The following TSPAN8 variants were observed in gnomAD, a reference collection of about 807,000 sequenced individuals.
TSPAN8 encodes the protein tetraspanin 8, also known as tetraspanin-8.
Under a neutral mutation model 32.8 loss-of-function variants are expected in TSPAN8, and 21 were observed. The ratio of observed to expected loss-of-function variants is 0.64; its 90% CI spans 0.45 to 0.92. The LOEUF is 0.92. Among genes scored for constraint, TSPAN8 ranks in the 40% least tolerant of loss-of-function variants. The probability of loss-of-function intolerance (pLI) is 0.00; values close to 1 mark genes in which losing one functional copy is unlikely to be tolerated. For synonymous variants in TSPAN8, 95 were observed against 94.6 expected (o/e 1.00, Z -0.03); for missense variants, 269 against 281.9 (o/e 0.95, Z 0.33).
chr12:71,125,949 GA>G (rs1393916269), intron 8 of TSPAN8, among the ~76,000 whole-genome samples: 1 of 152,078 alleles, frequency 6.6e-6, no homozygotes, highest in African/African-American at 2.4e-5. Flanking sequence ...CTTTTGAAGT[GA>G]AAAAGCACAG....
intron 6 of TSPAN8, among the ~76,000 whole-genome samples, chr12:71,137,544 G>A (rs900970941): frequency 2.0e-5 from 3 of 152,060 alleles, no homozygotes; most frequent in South Asian, 2.1e-4. Flanking sequence ...AGGTTGCAGC[G>A]AGCCAAGATT....
intron 8 of TSPAN8, among the ~76,000 whole-genome samples, chr12:71,127,728 T>A (rs1871391129): frequency 6.6e-6 from 1 of 152,198 alleles, no homozygotes; most frequent in African/African-American, 2.4e-5. Context: ...CTAGATGTAT[T>A]TAAATTCTTG....
intron 6 of TSPAN8, among the ~76,000 whole-genome samples, chr12:71,134,808 T>C (rs937317): frequency 0.8 from 121,629 of 152,152 alleles, 48,971 homozygotes; most frequent in Non-Finnish European, 0.85. Context: ...GTCATACTCA[T>C]AGATGAGAGG....
chr12:71,135,169 A>G (rs1293996391), intron 6 of TSPAN8, among the ~76,000 whole-genome samples: 3 of 151,744 alleles, frequency 2.0e-5, no homozygotes, highest in Non-Finnish European at 4.4e-5. Context: ...TAACTTATAA[A>G]AGAAAGCATA....
chr12:71,154,812 C>T (rs577647521), intron 2 of TSPAN8, among the ~76,000 whole-genome samples: 13 of 152,188 alleles, frequency 8.5e-5, no homozygotes, highest in Admixed American at 3.3e-4. Context: ...ATGGCTGATT[C>T]GAGGTCTGGA....
At chr12:71,156,436 T>C (rs1437598833) in intron 2 of TSPAN8, among the ~76,000 whole-genome samples, 1 of 152,154 alleles carries the variant, frequency 6.6e-6, no homozygotes. Flanking sequence ...ATTAAATATT[T>C]GCAAAAGCAG....
rs552379179 is a variant in TSPAN8, at chr12:71,129,530, C to T, written c.577-116G>A. 768 of 1,115,314 alleles carry T rather than the reference C, an allele frequency of 6.9e-4. 4 individuals are homozygous for T. The African/African-American group carries it at 0.01, about 15-fold the overall frequency. 69.1% of individuals were successfully genotyped at this position (1,115,314 alleles called of 1,614,324 possible). On this transcript the variant is annotated intron_variant, in intron 7 of 8. Transcript: ENST00000247829. Reference sequence around the variant, plus strand: ...CATTGCTATCAAGAAACACACTTAACGACAAGGAACTGGGTTATTCCTTCC... The same window carrying T: ...CATTGCTATCAAGAAACACACTTAATGACAAGGAACTGGGTTATTCCTTCC...
At chr12:71,154,840 A>G (rs1872373596) in intron 2 of TSPAN8, among the ~76,000 whole-genome samples, 1 of 152,222 alleles carries the variant, frequency 6.6e-6, no homozygotes, top group African/African-American at 2.4e-5. Flanking sequence ...TAAGCAAGTG[A>G]TCTGGAACAT....
chr12:71,144,582 T>C (rs964328699), intron 2 of TSPAN8, among the ~76,000 whole-genome samples: 1 of 152,188 alleles, frequency 6.6e-6, no homozygotes, highest in Non-Finnish European at 1.5e-5. Context: ...ATCATGCCTC[T>C]GGGCTTGTTT....
Position 71,125,262 on chromosome 12 carries a change from T to C in TSPAN8, c.*72A>G. On this transcript the variant is annotated 3_prime_UTR_variant, in exon 9 of 9. Transcript: ENST00000247829. ...GCTCCTGACTTATATAGCACTTACA[T>C]ATTTAAATTTACAAAGCCAAAGCAA... 2 of 1,340,898 alleles carry C rather than the reference T, an allele frequency of 1.5e-6. No individual in the cohort carries two copies. The highest frequency in any genetic ancestry group is 2.1e-6 in the Non-Finnish European group (2 of 952,944). The allele number at this position is 1,340,898 out of a possible 1,614,324, so 83.1% of individuals were successfully genotyped here. A position where few individuals can be genotyped will look rare whatever the true frequency, so the allele number is the denominator to read the frequency against.
chr12:71,126,185 C>T (rs1871344756), intron 8 of TSPAN8, among the ~76,000 whole-genome samples: 1 of 152,190 alleles, frequency 6.6e-6, no homozygotes, highest in Non-Finnish European at 1.5e-5. Flanking sequence ...GCTGAGTCAA[C>T]TTAAATGCTT....
intron 8 of TSPAN8, among the ~76,000 whole-genome samples, chr12:71,125,887 C>CT (rs34939518): frequency 0.32 from 49,344 of 151,894 alleles, 8,891 homozygotes; most frequent in Non-Finnish European, 0.42. Context: ...TGAAGTAACT[C>CT]TTTTTTTAAA....
chr12:71,157,509 AT>A (rs1375961154), intron 2 of TSPAN8, 109 bp downstream of exon 2: 5 of 745,510 alleles, frequency 6.7e-6, no homozygotes, highest in Admixed American at 4.6e-5. Flanking sequence ...TGGAAAATAC[AT>A]TTTCCCCCTT....
intron 3 of TSPAN8, among the ~76,000 whole-genome samples, chr12:71,143,030 C>A (rs1297336770): frequency 2.0e-5 from 3 of 152,124 alleles, no homozygotes; most frequent in Non-Finnish European, 4.4e-5. Flanking sequence ...GTCTTAATTG[C>A]TGGCTTAATA....
intron 2 of TSPAN8, among the ~76,000 whole-genome samples, chr12:71,154,301 C>T (rs1474406745): frequency 7.2e-6 from 1 of 139,044 alleles, no homozygotes; most frequent in Non-Finnish European, 1.5e-5. Flanking sequence ...CAGAGCGAGA[C>T]TCTGTCTCAA....
At chr12:71,156,451 TTTTTTTAACCTAAAAACAGCA>T (rs1565791362) in intron 2 of TSPAN8, among the ~76,000 whole-genome samples, 2 of 111,480 alleles carry the variant, frequency 1.8e-5, no homozygotes, top group East Asian at 8.3e-4. Flanking sequence ...AAGCAGCCCA[TTTTTTTAACCTAAAAACAGCA>T]GCCCATTTTT....
chr12:71,137,375 G>T (rs1871734174), intron 6 of TSPAN8, among the ~76,000 whole-genome samples: 2 of 152,122 alleles, frequency 1.3e-5, no homozygotes, highest in Non-Finnish European at 2.9e-5. Flanking sequence ...AAGGCGGGTG[G>T]ATCACCTGAG....
At position 71,157,776 on chromosome 12, in the gene TSPAN8, C is replaced by T; in HGVS notation, c.-98G>A. 1.1e-6 allele frequency: 1 copy of T among 875,010 alleles called. No individual in the cohort carries two copies. Among genetic ancestry groups the T allele is most frequent in the Admixed American group, 1.9e-5 (1 of 52,354 alleles). 54.2% of individuals were successfully genotyped at this position (875,010 alleles called of 1,614,324 possible). On this transcript the variant is annotated 5_prime_UTR_variant, in exon 2 of 9. Coordinates refer to ENST00000247829, the MANE Select transcript of TSPAN8 (RefSeq NM_004616.3). Reference sequence around the variant, plus strand: ...TGGAGCAACTTGCCTGCAGAGATTTCTGTATCCACGGCTTCAGAGCAGAAA... The same window carrying T: ...TGGAGCAACTTGCCTGCAGAGATTTTTGTATCCACGGCTTCAGAGCAGAAA...
chr12:71,136,965 G>A (rs1180300927), intron 6 of TSPAN8, among the ~76,000 whole-genome samples: 2 of 152,130 alleles, frequency 1.3e-5, no homozygotes, highest in African/African-American at 2.4e-5. Flanking sequence ...GAGAAGTGGT[G>A]GAGGCTGAGA....
Sources: gnomAD v4.1 joint callset for allele counts (sites outside exome capture counted in the v4.1 genomes callset) on GRCh38, gnomAD v4.1.1 for gene constraint, MANE v1.5 for transcripts, NCBI Gene and HGNC (gene_info 2026-07-23, HGNC 2026-07-21) for gene names.